Variants in NRXN3 observed in about 807,000 individuals in gnomAD.
NRXN3 encodes the protein neurexin 3.
NRXN3 carries 32 observed loss-of-function variants against 137.6 expected under a neutral mutation model. The observed-to-expected ratio is 0.23, with a 90% CI of 0.18 to 0.31. The LOEUF is 0.31. Among genes scored for constraint, NRXN3 ranks in the 10% least tolerant of loss-of-function variants. The pLI is 1.00. For synonymous variants in NRXN3, 798 were observed against 784.5 expected, an observed-to-expected ratio of 1.02 and a Z score of -0.29; for missense variants, 1,574 against 2,062.5, an observed-to-expected ratio of 0.76 and a Z score of 4.59.
At chr14:79,316,679 A>T (rs2088781109) in intron 15 of NRXN3, among the ~76,000 whole-genome samples, 1 of 150,866 alleles carries the variant, frequency 6.6e-6, no homozygotes, top group South Asian at 2.1e-4. Flanking sequence ...CTCCTCAGGT[A>T]ACTCTTGTTC....
At chr14:79,300,230 A>G (rs2084912316) in intron 15 of NRXN3, among the ~76,000 whole-genome samples, 1 of 152,072 alleles carries the variant, frequency 6.6e-6, no homozygotes, top group Admixed American at 6.6e-5. Context: ...TAGAACAAAG[A>G]TTTAAACTCG....
chr14:79,010,831 C>T (rs548301351), intron 15 of NRXN3, among the ~76,000 whole-genome samples: 6 of 152,184 alleles, frequency 3.9e-5, no homozygotes, highest in Non-Finnish European at 8.8e-5. Context: ...CACCACAAAG[C>T]GAGGAAGTAG....
At chr14:78,952,294 A>G (rs1208704345) in intron 10 of NRXN3, among the ~76,000 whole-genome samples, 2 of 152,234 alleles carry the variant, frequency 1.3e-5, no homozygotes, top group East Asian at 3.8e-4. Flanking sequence ...AAAACAAAAC[A>G]AACAAAACAC....
At chr14:78,503,687 G>A (rs1458086747) in intron 4 of NRXN3, among the ~76,000 whole-genome samples, 1 of 152,096 alleles carries the variant, frequency 6.6e-6, no homozygotes, top group East Asian at 1.9e-4. Context: ...CTGACCAGAG[G>A]CAGGGCTAGT....
At chr14:79,218,259 A>G (rs1531624) in intron 15 of NRXN3, among the ~76,000 whole-genome samples, 152,122 of 152,320 alleles carry the variant, frequency 1, 75,962 homozygotes, top group Middle Eastern at 1. Context: ...GGACAGATCC[A>G]CTATGAATTC....
At chr14:78,996,886 G>C (rs2099531287) in intron 15 of NRXN3, among the ~76,000 whole-genome samples, 1 of 152,132 alleles carries the variant, frequency 6.6e-6, no homozygotes, top group Admixed American at 6.5e-5. Context: ...GAAGTCAGAA[G>C]ATAACAATGA....
At chr14:79,059,247 A>ATTTTTT (rs1555701604) in intron 15 of NRXN3, among the ~76,000 whole-genome samples, 1 of 95,844 alleles carries the variant, frequency 1.0e-5, no homozygotes, top group Non-Finnish European at 2.0e-5. Flanking sequence ...TTCAGGCCCT[A>ATTTTTT]TTCTTTTTTT....
At chr14:79,028,949 A>T (rs116610362) in intron 15 of NRXN3, among the ~76,000 whole-genome samples, 1 of 152,122 alleles carries the variant, frequency 6.6e-6, no homozygotes, top group African/African-American at 2.4e-5. Context: ...AAGCATTGGG[A>T]TGGGGATGAG....
At chr14:79,405,676 A>G (rs1181717460) in intron 15 of NRXN3, among the ~76,000 whole-genome samples, 2 of 152,134 alleles carry the variant, frequency 1.3e-5, no homozygotes, top group Non-Finnish European at 2.9e-5. Flanking sequence ...AGGGGAAAAT[A>G]ACTCCCTTGT....
chr14:78,553,817 A>G (rs12100603), intron 4 of NRXN3, among the ~76,000 whole-genome samples: 35,958 of 152,078 alleles, frequency 0.24, 4,540 homozygotes, highest in Middle Eastern at 0.31. Flanking sequence ...TCATGGTTCC[A>G]AATAATCCCC....
intron 16 of NRXN3, among the ~76,000 whole-genome samples, chr14:79,512,859 T>G (rs1232497062): frequency 6.6e-6 from 1 of 152,214 alleles, no homozygotes; most frequent in Non-Finnish European, 1.5e-5. Flanking sequence ...CTATTCTGTA[T>G]GGCATAACAC....
intron 15 of NRXN3, among the ~76,000 whole-genome samples, chr14:79,408,160 A>G (rs2095349699): frequency 6.6e-6 from 1 of 152,134 alleles, no homozygotes; most frequent in Non-Finnish European, 1.5e-5. Context: ...CCCGGCATGT[A>G]AGGAGTGTCC....
chr14:78,987,019 CAAAAAA>C (rs36081362), intron 14 of NRXN3, among the ~76,000 whole-genome samples: 3 of 54,100 alleles, frequency 5.5e-5, no homozygotes, highest in Non-Finnish European at 8.3e-5. Context: ...GAGACTGTCT[CAAAAAA>C]AAAAAAAAAA....
chr14:78,408,829 G>T (rs898096657), intron 4 of NRXN3, among the ~76,000 whole-genome samples: 1 of 152,228 alleles, frequency 6.6e-6, no homozygotes, highest in Non-Finnish European at 1.5e-5. Context: ...CATAAGTCAG[G>T]TTGAAGATGG....
chr14:78,829,375 T>C (rs1324966328), intron 10 of NRXN3, among the ~76,000 whole-genome samples: 1 of 152,186 alleles, frequency 6.6e-6, no homozygotes, highest in Non-Finnish European at 1.5e-5. Flanking sequence ...TAAATCACAC[T>C]GTTTGAACCA....
At chr14:78,388,675 C>G (rs375205836) in intron 4 of NRXN3, among the ~76,000 whole-genome samples, 14 of 152,070 alleles carry the variant, frequency 9.2e-5, no homozygotes, top group East Asian at 5.8e-4. Flanking sequence ...TAAATATTTA[C>G]TATCTAACCC....
In NRXN3 at chr14:78,765,635, C is replaced by G. The variant is rs74848438; in HGVS notation, c.2045-37985C>G. ...CTGAGATTGTGATACTAAACAGTGA[C>G]TTACTCATCTTTGTATTGCTACTCT... On this transcript the variant is annotated intron_variant, in intron 8 of 20. Coordinates refer to ENST00000335750, the MANE Select transcript of NRXN3 (RefSeq NM_001330195.2). Among the ~76,000 whole-genome samples, 828 of 152,272 alleles carry G rather than the reference C, an allele frequency of 5.4e-3. 6 individuals carry two copies. Among genetic ancestry groups the G allele is most frequent in the East Asian group, 0.032 (167 of 5,186 alleles).
chr14:79,388,601 A>C (rs369142262), intron 15 of NRXN3, among the ~76,000 whole-genome samples: 1 of 152,026 alleles, frequency 6.6e-6, no homozygotes, highest in Admixed American at 6.6e-5. Context: ...AGGCAGGCTC[A>C]CAGCCCTCGA....
intron 6 of NRXN3, among the ~76,000 whole-genome samples, chr14:78,663,857 A>G (rs1160574812): frequency 1.3e-5 from 2 of 152,230 alleles, no homozygotes; most frequent in Non-Finnish European, 2.9e-5. Context: ...GATTAAAAAA[A>G]CACTAGTCCT....
Sources: allele counts gnomAD v4.1 joint callset (sites outside exome capture counted in the v4.1 genomes callset), GRCh38; gene constraint gnomAD v4.1.1; transcripts MANE v1.5; gene names NCBI Gene and HGNC (gene_info 2026-07-23, HGNC 2026-07-21).